The following PTPRC variants were observed in gnomAD, a reference collection of about 807,000 sequenced individuals.
PTPRC encodes receptor-type tyrosine-protein phosphatase C.
In PTPRC, 44 loss-of-function variants were observed where a neutral mutation model predicts 155.9. The observed-to-expected ratio is 0.28, with a 90% CI of 0.22 to 0.36. The LOEUF (loss-of-function observed/expected upper bound fraction) is 0.36. Ranked by LOEUF, PTPRC falls within the 10% of genes least tolerant of loss-of-function variation. The pLI is 1.00. For missense variants in PTPRC, 1,401 were observed against 1,564.6 expected (o/e 0.90, Z 1.76); for synonymous variants, 525 against 533.1 (o/e 0.98, Z 0.21).
chr1:198,681,163 A>G (rs1294426769), intron 2 of PTPRC, among the ~76,000 whole-genome samples: 1 of 151,348 alleles, frequency 6.6e-6, no homozygotes, highest in East Asian at 1.9e-4. Context: ...TTAAATGAAA[A>G]GGATCTCATG....
At chr1:198,742,115 T>C in intron 24 of PTPRC, 89 bp downstream of exon 24, 1 of 1,600,282 alleles carries the variant, frequency 6.2e-7, no homozygotes, top group Non-Finnish European at 8.6e-7. Flanking sequence ...ATCTTTCCCT[T>C]TGGCAATTGC....
At chr1:198,677,858 A>G (rs867916625) in intron 2 of PTPRC, among the ~76,000 whole-genome samples, 15 of 152,286 alleles carry the variant, frequency 9.8e-5, no homozygotes, top group Admixed American at 2.0e-4. Flanking sequence ...TAACCTGTAC[A>G]AGACCTTACT....
chr1:198,651,291 A>AG (rs1237969483), intron 2 of PTPRC, among the ~76,000 whole-genome samples: 6 of 43,920 alleles, frequency 1.4e-4, no homozygotes, highest in African/African-American at 3.6e-4. Context: ...ACAGATTGGG[A>AG]TTGTGTGTGT....
Position 198,735,499 on chromosome 1 carries a change from TA to T in PTPRC, c.2403+254del, listed in dbSNP as rs1294552739. Among the ~76,000 whole-genome samples, 5 of 151,374 alleles carry T rather than the reference TA, an allele frequency of 3.3e-5. No individual in the cohort carries two copies. The East Asian group carries it at 9.7e-4, about 29-fold the overall frequency. ...TTAATTAATTATCTGTTTTAATTAT[TA>T]AAAAAAGAGGGAAGGTCCATTAAAT... On this transcript the variant is annotated intron_variant, in intron 23 of 32. Coordinates refer to ENST00000442510, the MANE Select transcript of PTPRC (RefSeq NM_002838.5).
intron 2 of PTPRC, among the ~76,000 whole-genome samples, chr1:198,687,813 C>A (rs1316201914): frequency 6.6e-6 from 1 of 151,770 alleles, no homozygotes; most frequent in African/African-American, 2.4e-5. Flanking sequence ...CTAGTGCATA[C>A]CTTATTTCCT....
chr1:198,700,640 A>G (rs374809949), intron 5 of PTPRC, among the ~76,000 whole-genome samples: 29 of 152,308 alleles, frequency 1.9e-4, no homozygotes, highest in African/African-American at 6.5e-4. Flanking sequence ...AGATCCAGAA[A>G]TAGTGGAGGG....
At chr1:198,652,441 A>G (rs1663303961) in intron 2 of PTPRC, among the ~76,000 whole-genome samples, 1 of 151,884 alleles carries the variant, frequency 6.6e-6, no homozygotes, top group South Asian at 2.1e-4. Context: ...CCAATGCTGA[A>G]TAATCTAGTT....
Position 198,752,267 on chromosome 1 carries a change from T to G in PTPRC, c.3226T>G (p.Trp1076Gly). ...TATCTAGGAAATCTGTGCTCAGTAC[T>G]GGGGAGAAGGAAAGCAAACATATGG... is the stretch of plus-strand genomic sequence containing the variant. ...HGDQEICAQY[W>G]GEGKQTYGDI... The change falls in exon 30 of 33, where the codon TGG becomes GGG. Residue 1076 changes from tryptophan (W) to glycine (G), a missense_variant. Physicochemically the swap from Trp to Gly is radical, Grantham distance 184. This residue lies in a region of PTPRC where 400 missense variants were observed against 389.5 expected (regional missense o/e 1.03). Transcript: ENST00000442510. 6.2e-7 allele frequency: 1 copy of G among 1,611,820 alleles called. No homozygotes were observed. The highest frequency in any genetic ancestry group is 8.5e-7 in the Non-Finnish European group (1 of 1,178,378).
At chr1:198,697,054 T>C (rs1666238688) in intron 4 of PTPRC, 145 bp downstream of exon 4, 2 of 809,298 alleles carry the variant, frequency 2.5e-6, no homozygotes, top group Non-Finnish European at 4.2e-6. Flanking sequence ...AGGAAATTAG[T>C]ATCTGTGAAA....
intron 5 of PTPRC, among the ~76,000 whole-genome samples, chr1:198,700,669 C>T (rs1179478929): frequency 6.6e-6 from 1 of 152,112 alleles, no homozygotes; most frequent in Non-Finnish European, 1.5e-5. Context: ...TGTAAAACAA[C>T]AAAAGGGGAC....
intron 3 of PTPRC, chr1:198,693,927 C>T: frequency 7.0e-7 from 1 of 1,424,196 alleles, no homozygotes; most frequent in Non-Finnish European, 9.3e-7. Context: ...AGTCTGGGTT[C>T]TCTAGAGGGA....
intron 28 of PTPRC, 165 bp from the exon 29 acceptor site, chr1:198,750,327 T>A: frequency 1.4e-6 from 1 of 698,114 alleles, no homozygotes; most frequent in East Asian, 2.8e-5. Context: ...TATAATTATT[T>A]TACATATAGC....
intron 2 of PTPRC, among the ~76,000 whole-genome samples, chr1:198,673,281 T>C (rs1376669944): frequency 6.6e-6 from 1 of 152,204 alleles, no homozygotes; most frequent in Admixed American, 6.5e-5. Context: ...AATGTGGCTA[T>C]ATTTTGATCA....
chr1:198,699,538 G>A (rs1377032816), intron 4 of PTPRC, 26 bp from the exon 5 acceptor site: 1 of 1,614,042 alleles, frequency 6.2e-7, no homozygotes, highest in South Asian at 1.1e-5. Flanking sequence ...GAAGACTGAT[G>A]TAATGATCTC....
chr1:198,654,054 T>A (rs16843597), intron 2 of PTPRC, among the ~76,000 whole-genome samples: 5,619 of 151,928 alleles, frequency 0.037, 183 homozygotes, highest in East Asian at 0.14. Flanking sequence ...TCATGTTTGT[T>A]AATAAAATTG....
At chr1:198,744,829 T>G (rs979806153) in intron 26 of PTPRC, among the ~76,000 whole-genome samples, 1 of 151,840 alleles carries the variant, frequency 6.6e-6, no homozygotes, top group Admixed American at 6.6e-5. Context: ...TCTACCAAAC[T>G]GGTAAATTCA....
At chr1:198,680,138 C>A in intron 2 of PTPRC, 1 of 408,670 alleles carries the variant, frequency 2.4e-6, no homozygotes, top group Non-Finnish European at 4.4e-6. Context: ...CCAGGGAAGC[C>A]GGGGCTCATT....
intron 2 of PTPRC, among the ~76,000 whole-genome samples, 195 bp from the exon 3 acceptor site, chr1:198,692,152 T>A (rs1269238250): frequency 6.6e-6 from 1 of 152,060 alleles, no homozygotes; most frequent in Non-Finnish European, 1.5e-5. Flanking sequence ...ATAACATAAT[T>A]TTGATATATT....
chr1:198,732,359 G>C lies in PTPRC; in HGVS notation c.2034G>C (p.Gln678His). 1 of 1,612,434 alleles carries C rather than the reference G, an allele frequency of 6.2e-7. No individual in the cohort carries two copies. Among genetic ancestry groups the C allele is most frequent in the Non-Finnish European group, 8.5e-7 (1 of 1,178,948 alleles). The change falls in exon 19 of 33, where the codon CAG becomes CAC. Residue 678 changes from glutamine to histidine, a missense_variant. Gln to His is a conservative substitution (Grantham distance 24, BLOSUM62 0). Around this residue, in one of 3 missense-constraint regions of PTPRC, gnomAD observed 867 missense variants for 970.4 expected, o/e 0.89. Transcript: ENST00000442510. Reference protein sequence around the residue: ...PIKEARKPFNQNKNRYVDILP... With the variant: ...PIKEARKPFNHNKNRYVDILP... ...AGGAAGCTCGAAAGCCCTTTAACCA[G>C]AATAAAAACCGTTATGTTGACATTC...
Sources: allele counts gnomAD v4.1 joint callset (sites outside exome capture counted in the v4.1 genomes callset), GRCh38; gene constraint gnomAD v4.1.1; regional missense constraint gnomAD v4.1.1; transcripts MANE v1.5; gene names NCBI Gene and HGNC (gene_info 2026-07-23, HGNC 2026-07-21).